SORCS1: variants seen among roughly 807,000 people sequenced by gnomAD.
The protein encoded by SORCS1 is sortilin related VPS10 domain containing receptor 1, also known as VPS10 domain-containing receptor SorCS1.
Under a neutral mutation model 146.1 loss-of-function variants are expected in SORCS1, and 60 were observed. The observed-to-expected ratio is 0.41, with a 90% CI of 0.33 to 0.51. The LOEUF (loss-of-function observed/expected upper bound fraction) is 0.51. Ranked by LOEUF, SORCS1 falls within the 20% of genes least tolerant of loss-of-function variation. The probability of loss-of-function intolerance (pLI) is 0.21; values close to 1 mark genes in which losing one functional copy is unlikely to be tolerated. For missense variants in SORCS1, 1,352 were observed against 1,487.6 expected (o/e 0.91, Z 1.50); for synonymous variants, 637 against 584.0 (o/e 1.09, Z -1.31).
intron 1 of SORCS1, among the ~76,000 whole-genome samples, chr10:106,982,281 A>G (rs532209661): frequency 1.3e-5 from 2 of 152,338 alleles, no homozygotes; most frequent in Admixed American, 1.3e-4. Context: ...GGATAATATT[A>G]ATTTGTATGT....
chr10:106,829,184 A>T (rs1277320254), intron 3 of SORCS1, among the ~76,000 whole-genome samples: 1 of 152,206 alleles, frequency 6.6e-6, no homozygotes, highest in Non-Finnish European at 1.5e-5. Flanking sequence ...ATTCTAGTTA[A>T]TCTATTTGTT....
chr10:107,150,022 C>T (rs1968644030), intron 1 of SORCS1, among the ~76,000 whole-genome samples: 2 of 152,204 alleles, frequency 1.3e-5, no homozygotes, highest in African/African-American at 2.4e-5. Context: ...TAGGTGTCCC[C>T]CAGTCATCTT....
At chr10:106,849,929 G>T (rs1039759888) in intron 2 of SORCS1, among the ~76,000 whole-genome samples, 4 of 151,706 alleles carry the variant, frequency 2.6e-5, no homozygotes, top group Non-Finnish European at 4.4e-5. Flanking sequence ...CACTTGAGGA[G>T]GCAGTCTGCC....
At chr10:106,975,300 T>G (rs752198593) in intron 1 of SORCS1, among the ~76,000 whole-genome samples, 4 of 152,200 alleles carry the variant, frequency 2.6e-5, no homozygotes, top group Non-Finnish European at 5.9e-5. Context: ...AAAACAACAC[T>G]TCTGGCTACT....
At chr10:106,640,452 C>T (rs972876963) in intron 18 of SORCS1, among the ~76,000 whole-genome samples, 2 of 152,184 alleles carry the variant, frequency 1.3e-5, no homozygotes, top group African/African-American at 2.4e-5. Flanking sequence ...TTTTAATTTT[C>T]GTCCCTAGCC....
Position 107,164,300 on chromosome 10 carries a change from G to C in SORCS1, c.227C>G (p.Pro76Arg), listed in dbSNP as rs1478059066. Residue 76 changes from proline to arginine, a missense_variant, in exon 1 of 26, where the codon CCC becomes CGC. This residue lies in a region of SORCS1 where 490 missense variants were observed against 489.1 expected (regional missense o/e 1.00). Transcript: ENST00000263054. This position sits in a 1 kb window ranked among gnomAD's most constrained non-coding sequence, Gnocchi z 6.8. ...GTCCCCGGGGGCCACTGAGAACAGGGGACGCACTACGAGGGGCAGGGGCGT... is the reference window on the plus strand; with the variant it reads ...GTCCCCGGGGGCCACTGAGAACAGGCGACGCACTACGAGGGGCAGGGGCGT... ...PATPLPLVVRPLFSVAPGDRA... is the reference protein window; with the variant it reads ...PATPLPLVVRRLFSVAPGDRA... 1 of 1,586,328 alleles carries C rather than the reference G, an allele frequency of 6.3e-7. No individual in the cohort carries two copies. Among genetic ancestry groups the C allele is most frequent in the Non-Finnish European group, 8.5e-7 (1 of 1,170,564 alleles).
intron 1 of SORCS1, among the ~76,000 whole-genome samples, chr10:106,956,811 G>A (rs1554894642): frequency 6.6e-6 from 1 of 152,198 alleles, no homozygotes; most frequent in Non-Finnish European, 1.5e-5. Flanking sequence ...CCTGCAGCAA[G>A]GGTTACCTGC....
At position 106,986,958 on chromosome 10, in the gene SORCS1, T is replaced by C. The variant is rs137960165; in HGVS notation, c.559-30378A>G. Among the ~76,000 whole-genome samples the C allele has an allele frequency of 2.1e-4, 32 of 152,328 alleles. No homozygotes were observed. The East Asian group carries it at 5.8e-3, about 28-fold the overall frequency. ...AACAACTGGGCTATCTTCAGGTTGG[T>C]TTCTCTTGGCTACTTTTTTCCTTGA... On this transcript the variant is annotated intron_variant, in intron 1 of 25. Transcript: ENST00000263054.
intron 1 of SORCS1, among the ~76,000 whole-genome samples, chr10:106,962,225 C>G (rs1955259773): frequency 2.0e-5 from 3 of 151,734 alleles, no homozygotes; most frequent in African/African-American, 7.3e-5. Context: ...CATGGAGAAA[C>G]CCCATCTCCA....
At chr10:106,941,194 A>G (rs982224681) in intron 2 of SORCS1, among the ~76,000 whole-genome samples, 1 of 152,232 alleles carries the variant, frequency 6.6e-6, no homozygotes, top group Non-Finnish European at 1.5e-5. Flanking sequence ...AATGGCTATC[A>G]GTATTATTTT....
chr10:107,070,718 T>A (rs1962346263), intron 1 of SORCS1, among the ~76,000 whole-genome samples: 1 of 152,198 alleles, frequency 6.6e-6, no homozygotes, highest in Admixed American at 6.5e-5. Context: ...TAGCAAAATT[T>A]CACAGTAAAA....
At chr10:106,704,916 A>G (rs751024485) in intron 8 of SORCS1, among the ~76,000 whole-genome samples, 2 of 152,198 alleles carry the variant, frequency 1.3e-5, no homozygotes, top group Non-Finnish European at 2.9e-5. Context: ...TCAAGAGGAA[A>G]AAAACAAAAC....
At chr10:107,093,737 T>C (rs1488620803) in intron 1 of SORCS1, among the ~76,000 whole-genome samples, 1 of 151,334 alleles carries the variant, frequency 6.6e-6, no homozygotes, top group East Asian at 1.9e-4. Flanking sequence ...TCCCTCAGAA[T>C]AAAAGCCACA....
chr10:106,607,985 A>G (rs988918963), intron 22 of SORCS1, among the ~76,000 whole-genome samples: 4 of 152,152 alleles, frequency 2.6e-5, no homozygotes, highest in African/African-American at 9.7e-5. Flanking sequence ...AAAATTACAG[A>G]TATCACTCAA....
chr10:106,981,587 G>T (rs540699488), intron 1 of SORCS1, among the ~76,000 whole-genome samples: 2 of 152,294 alleles, frequency 1.3e-5, no homozygotes, highest in Non-Finnish European at 2.9e-5. Context: ...CACAGAGGCA[G>T]ATGATGTAAT....
intron 19 of SORCS1, among the ~76,000 whole-genome samples, chr10:106,623,077 C>G (rs1439529315): frequency 6.6e-6 from 1 of 152,106 alleles, no homozygotes; most frequent in Non-Finnish European, 1.5e-5. Context: ...TCTTATGGCA[C>G]CTGTCAGTCT....
intron 24 of SORCS1, among the ~76,000 whole-genome samples, chr10:106,582,132 A>AAC (rs1365804147): frequency 1.4e-5 from 2 of 140,282 alleles, no homozygotes; most frequent in Non-Finnish European, 3.1e-5. Context: ...CACACACACA[A>AAC]ACACATACAC....
intron 1 of SORCS1, among the ~76,000 whole-genome samples, chr10:106,961,291 G>A (rs1955211371): frequency 6.6e-6 from 1 of 152,172 alleles, no homozygotes; most frequent in Non-Finnish European, 1.5e-5. Flanking sequence ...TAACACCTTT[G>A]ACTATGACAG....
Position 106,745,718 on chromosome 10 carries a change from G to A in SORCS1, c.960-15604C>T, listed in dbSNP as rs74682752. Among the ~76,000 whole-genome samples the A allele has an allele frequency of 6.1e-3, 925 of 152,266 alleles. 9 individuals carry two copies. Among genetic ancestry groups the A allele is most frequent in the African/African-American group, 0.021 (886 of 41,534 alleles). The stretch of plus-strand genomic sequence containing the variant: ...TACTTGCTTCCAACAAACAGAGTAT[G>A]GGACAAGAAAAAGAGTAACTTTTCA... On this transcript the variant is annotated intron_variant, in intron 5 of 25. Transcript: ENST00000263054.
Sources: allele counts gnomAD v4.1 joint callset (sites outside exome capture counted in the v4.1 genomes callset), GRCh38; gene constraint gnomAD v4.1.1; regional missense constraint gnomAD v4.1.1; non-coding constraint Gnocchi (gnomAD v3.1); transcripts MANE v1.5; gene names NCBI Gene and HGNC (gene_info 2026-07-23, HGNC 2026-07-21).